SCAP: variants seen among roughly 807,000 people sequenced by gnomAD.
SCAP encodes the protein SREBF chaperone.
SCAP carries 65 observed loss-of-function variants against 123.6 expected under a neutral mutation model. The ratio of observed to expected loss-of-function variants is 0.53; its 90% CI spans 0.43 to 0.65. The LOEUF (loss-of-function observed/expected upper bound fraction) is 0.65. Among genes scored for constraint, SCAP ranks in the 30% least tolerant of loss-of-function variants. The pLI is 0.00. For missense variants in SCAP, 1,398 were observed against 1,712.5 expected (o/e 0.82, Z 3.24); for synonymous variants, 740 against 726.3 (o/e 1.02, Z -0.30).
rs536384756 is a variant in SCAP at position 47,460,756 on chromosome 3, C to T, written c.-99+15043G>A. On this transcript the variant is annotated intron_variant, in intron 1 of 22. Coordinates refer to ENST00000265565, the MANE Select transcript of SCAP (RefSeq NM_012235.4). The stretch of plus-strand genomic sequence containing the variant: ...TATTTTTAGTAGATATGGGGTTTCA[C>T]CATCCTGGCCAGGCTGGTCTTGAAC... 7.5e-4 allele frequency among the ~76,000 whole-genome samples: 114 copies of T among 152,228 alleles called. 1 individual carries two copies. Among genetic ancestry groups the T allele is most frequent in the Admixed American group, 4.7e-3 (72 of 15,284 alleles).
intron 3 of SCAP, among the ~76,000 whole-genome samples, chr3:47,430,258 C>T (rs544446908): frequency 2.6e-5 from 4 of 152,142 alleles, no homozygotes; most frequent in Admixed American, 6.5e-5. Context: ...AGGACTCAAA[C>T]CAAGGTCTCC....
chr3:47,458,295 G>A (rs753898025), intron 1 of SCAP, among the ~76,000 whole-genome samples: 5 of 152,016 alleles, frequency 3.3e-5, no homozygotes, highest in African/African-American at 4.8e-5. Flanking sequence ...TGGGTGTGGT[G>A]GCATGCGTCT....
chr3:47,417,272 C>T, intron 17 of SCAP, 32 bp downstream of exon 17: 1 of 1,611,954 alleles, frequency 6.2e-7, no homozygotes, highest in South Asian at 1.1e-5. Context: ...GGGCGGACAG[C>T]CGCTCTGCCC....
intron 1 of SCAP, among the ~76,000 whole-genome samples, chr3:47,445,626 C>T (rs1707005636): frequency 6.6e-6 from 1 of 152,066 alleles, no homozygotes; most frequent in Admixed American, 6.6e-5. Flanking sequence ...GGCTGGAGTG[C>T]AGCAGCGCGA....
Position 47,420,492 on chromosome 3 carries a change from A to G in SCAP, c.1563+62T>C. ...CCACTCTAAGGCCAAGTGCAGCACC[A>G]CAAGGGGCCTGGAGCACCGGCCCTC... On this transcript the variant is annotated intron_variant, in intron 12 of 22. Coordinates refer to ENST00000265565, the MANE Select transcript of SCAP (RefSeq NM_012235.4). This position sits in a 1 kb window ranked among gnomAD's most constrained non-coding sequence, Gnocchi z 5.0. The G allele has an allele frequency of 1.4e-6, 2 of 1,435,006 alleles. No homozygotes were observed. Among genetic ancestry groups the G allele is most frequent in the East Asian group, 4.8e-5 (2 of 41,304 alleles). 88.9% of individuals were successfully genotyped at this position (1,435,006 alleles called of 1,614,324 possible). A position where few individuals can be genotyped will look rare whatever the true frequency, so the allele number is the denominator to read the frequency against.
Position 47,418,485 on chromosome 3 carries a change from C to T in SCAP, c.2167G>A (p.Val723Met), listed in dbSNP as rs2107774845. The change falls in exon 15 of 23, where the codon GTG becomes ATG. Residue 723 changes from valine (V) to methionine (M), a missense_variant. By Grantham distance (21) the Val-to-Met change is conservative (BLOSUM62 1). Around this residue, in one of 7 missense-constraint regions of SCAP, gnomAD observed 828 missense variants for 882.5 expected, o/e 0.94. Transcript: ENST00000265565. ...CGGTAGAGGCAGAGCAGCAGCAGCA[C>T]CAAGACGATGCCGGTGGCCAGGCCC... is the stretch of plus-strand genomic sequence containing the variant. ...ALGLATGIVL[V>M]LLLLCLYRVL... 1.9e-6 allele frequency: 3 copies of T among 1,600,500 alleles called. No homozygotes were observed. Among genetic ancestry groups the T allele is most frequent in the African/African-American group, 2.7e-5 (2 of 74,866 alleles).
intron 3 of SCAP, among the ~76,000 whole-genome samples, chr3:47,432,953 C>A (rs1706427444): frequency 6.6e-6 from 1 of 152,192 alleles, no homozygotes; most frequent in African/African-American, 2.4e-5. Flanking sequence ...CTATTCATAG[C>A]CAACTGGGCT....
chr3:47,445,243 C>CTTTTTT (rs970206797), intron 1 of SCAP, among the ~76,000 whole-genome samples: 1 of 111,872 alleles, frequency 8.9e-6, no homozygotes. Flanking sequence ...GTTTTCAATT[C>CTTTTTT]TTTTTTTTTT....
intron 9 of SCAP, 200 bp from the exon 10 acceptor site, chr3:47,422,736 T>TA: frequency 2.0e-6 from 1 of 503,506 alleles, no homozygotes; most frequent in Non-Finnish European, 3.6e-6. Flanking sequence ...ACACAGCTGC[T>TA]ACGGGGAACG....
In SCAP at chr3:47,473,080, C is replaced by CAAAAAAAAAA. The variant is rs34472664; in HGVS notation, c.-99+2709_-99+2718dup. Among the ~76,000 whole-genome samples the CAAAAAAAAAA allele has an allele frequency of 9.8e-3, 371 of 38,006 alleles. 60 individuals carry two copies. The highest frequency in any genetic ancestry group is 0.012 in the African/African-American group (107 of 8,576). 24.9% of individuals were successfully genotyped at this position (38,006 alleles called of 152,430 possible). A position where few individuals can be genotyped will look rare whatever the true frequency, so the allele number is the denominator to read the frequency against. ...GGGCAAGAAGAGCGAAACTCCATCT[C>CAAAAAAAAAA]AAAAAAAAAAAAAAAAAAACAGACT... is the stretch of plus-strand genomic sequence containing the variant. On this transcript the variant is annotated intron_variant, in intron 1 of 22. Transcript: ENST00000265565.
chr3:47,420,828 A>C lies in SCAP; in HGVS notation c.1345-56T>G. 6.4e-7 allele frequency: 1 copy of C among 1,574,200 alleles called. No individual in the cohort carries two copies. Among genetic ancestry groups the C allele is most frequent in the Non-Finnish European group, 8.7e-7 (1 of 1,152,390 alleles). On this transcript the variant is annotated intron_variant, in intron 11 of 22. Transcript: ENST00000265565. The surrounding 1 kb of genome is among the most constrained non-coding windows in gnomAD (Gnocchi z 5.0). ...TCCACCATCCAGAGGCTGCTCGCAC[A>C]GGACCGCTGTCCTGCCCGAGGTCTA...
chr3:47,437,375 T>C (rs1427784328), intron 2 of SCAP, among the ~76,000 whole-genome samples: 1 of 126,106 alleles, frequency 7.9e-6, no homozygotes, highest in Non-Finnish European at 1.6e-5. Flanking sequence ...TGAGCTGAGA[T>C]GGCGCCACTG....
Position 47,418,490 on chromosome 3 carries a change from A to G in SCAP, c.2162T>C (p.Val721Ala). The part of the protein sequence containing the change: ...VAALGLATGI[V>A]LVLLLLCLYR... Reference sequence around the variant, plus strand: ...GAGGCAGAGCAGCAGCAGCACCAAGACGATGCCGGTGGCCAGGCCCAGCGC... The same window carrying G: ...GAGGCAGAGCAGCAGCAGCACCAAGGCGATGCCGGTGGCCAGGCCCAGCGC... Residue 721 changes from valine to alanine, a missense_variant, in exon 15 of 23, where the codon GTC becomes GCC. Coordinates refer to ENST00000265565, the MANE Select transcript of SCAP (RefSeq NM_012235.4). 6.3e-7 allele frequency: 1 copy of G among 1,599,898 alleles called. No individual in the cohort carries two copies. Among genetic ancestry groups the G allele is most frequent in the Non-Finnish European group, 8.5e-7 (1 of 1,174,822 alleles).
chr3:47,470,062 A>T (rs1707974030), intron 1 of SCAP: 1 of 258,110 alleles, frequency 3.9e-6, no homozygotes, highest in South Asian at 4.4e-5. Flanking sequence ...TGGTAGCAAA[A>T]CTACTTTTAA....
chr3:47,427,760 G>A, intron 4 of SCAP, 93 bp from the exon 5 acceptor site: 4 of 1,117,220 alleles, frequency 3.6e-6, no homozygotes, highest in Non-Finnish European at 5.1e-6. Flanking sequence ...GTTCTTCAAT[G>A]CCCCATATTT....
chr3:47,418,441 G>A lies in SCAP; in HGVS notation c.2211C>T (p.Asn737=), dbSNP rs768013421. 1 of 1,593,344 alleles carries A rather than the reference G, an allele frequency of 6.3e-7. No individual in the cohort carries two copies. The highest frequency in any genetic ancestry group is 8.5e-7 in the Non-Finnish European group (1 of 1,172,880). Reference sequence around the variant, plus strand: ...CGGGCCCACCACCCAGCTGCCCGTAGTTGCGCGGGCATAGCACGCGGTAGA... The same window carrying A: ...CGGGCCCACCACCCAGCTGCCCGTAATTGCGCGGGCATAGCACGCGGTAGA... ...LCLYRVLCPR[N]YGQLGGGPGR... is the part of the protein sequence containing the mutation. The change falls in exon 15 of 23, where the codon AAC becomes AAT. Residue 737 remains asparagine, a synonymous_variant. Transcript: ENST00000265565.
At chr3:47,443,222 C>G (rs1363482011) in intron 1 of SCAP, 131 bp from the exon 2 acceptor site, 1 of 501,020 alleles carries the variant, frequency 2.0e-6, no homozygotes, top group East Asian at 3.8e-5. Flanking sequence ...CTAGTGACCT[C>G]AATCCCAAAA....
In SCAP at chr3:47,417,387, C is replaced by A; in HGVS notation, c.2887G>T (p.Ala963Ser). ...CAGATGGAACCCTCGGCACTGGGGG[C>A]CCAGGCGAGGGAAGGGGAGCCTTTC... ...PEKGSPSLAWAPSAEGSIWSL... is the reference protein window; with the variant it reads ...PEKGSPSLAWSPSAEGSIWSL... Residue 963 changes from alanine (A) to serine (S), a missense_variant, in exon 17 of 23, where the codon GCC becomes TCC. Physicochemically the swap from Ala to Ser is moderately conservative, Grantham distance 99 (BLOSUM62 1). Coordinates refer to ENST00000265565, the MANE Select transcript of SCAP (RefSeq NM_012235.4). 6.3e-7 allele frequency: 1 copy of A among 1,599,224 alleles called. No individual in the cohort carries two copies. The highest frequency in any genetic ancestry group is 8.5e-7 in the Non-Finnish European group (1 of 1,174,020).
intron 1 of SCAP, among the ~76,000 whole-genome samples, chr3:47,460,802 C>A (rs983498134): frequency 6.6e-6 from 1 of 152,150 alleles, no homozygotes; most frequent in Non-Finnish European, 1.5e-5. Flanking sequence ...GTGATCCACC[C>A]GCCTCGACCT....
Sources: allele counts gnomAD v4.1 joint callset (sites outside exome capture counted in the v4.1 genomes callset), GRCh38; gene constraint gnomAD v4.1.1; regional missense constraint gnomAD v4.1.1; non-coding constraint Gnocchi (gnomAD v3.1); transcripts MANE v1.5; gene names NCBI Gene and HGNC (gene_info 2026-07-23, HGNC 2026-07-21).